LRRD1: variants seen among roughly 807,000 people sequenced by gnomAD.
The protein encoded by LRRD1 is leucine-rich repeat and death domain-containing protein 1.
Under a neutral mutation model 69.5 loss-of-function variants are expected in LRRD1, and 49 were observed. That is an observed-to-expected ratio of 0.70 (90% CI 0.56 to 0.89). The LOEUF is 0.89. Ranked by LOEUF, LRRD1 falls within the 40% of genes least tolerant of loss-of-function variation. The pLI is 0.00. For missense variants in LRRD1, 853 were observed against 956.0 expected (o/e 0.89, Z 1.42); for synonymous variants, 303 against 338.9 (o/e 0.89, Z 1.16).
rs1788840435 is a variant in LRRD1 at position 92,163,773 on chromosome 7, A to G, written c.1430T>C (p.Met477Thr). 1 of 1,508,622 alleles carries G rather than the reference A, an allele frequency of 6.6e-7. No homozygotes were observed. The highest frequency in any genetic ancestry group is 8.8e-7 in the Non-Finnish European group (1 of 1,132,250). 93.5% of individuals were successfully genotyped at this position (1,508,622 alleles called of 1,614,324 possible). ...IKIELSYNKIMYFPLGLCALD... is the reference protein window; with the variant it reads ...IKIELSYNKITYFPLGLCALD... The stretch of plus-strand genomic sequence containing the variant: ...AGCACACAGTCCCAATGGAAAATAC[A>G]TTATTTTGTTATAACTCAATTCAAT... The change falls in exon 2 of 6, where the codon ATG (methionine) becomes ACG (threonine). Residue 477 changes from methionine (M) to threonine (T), a missense_variant. Transcript: ENST00000458448.
chr7:92,166,445 G>A (rs1788912433), intron 1 of LRRD1, among the ~76,000 whole-genome samples: 1 of 152,084 alleles, frequency 6.6e-6, no homozygotes, highest in African/African-American at 2.4e-5. Context: ...TATGAGGCTA[G>A]CACTAACCTC....
intron 3 of LRRD1, among the ~76,000 whole-genome samples, chr7:92,153,942 T>C (rs1788590112): frequency 6.6e-6 from 1 of 151,338 alleles, no homozygotes; most frequent in South Asian, 2.1e-4. Context: ...GTTCAAGCGA[T>C]TCTCCTGCCT....
At position 92,164,690 on chromosome 7, in the gene LRRD1, T is replaced by C. The variant is rs1426748565; in HGVS notation, c.513A>G (p.Leu171=). The C allele has an allele frequency of 6.4e-7, 1 of 1,550,862 alleles. No homozygotes were observed. The highest frequency in any genetic ancestry group is 2.4e-5 in the East Asian group (1 of 40,888). ...GAAATGTTTTGATTTGATTCTTGTC[T>C]AAATATAGATATTTTACATATTTGA... ...LKIKYVKYLY[L]DKNQIKTFQG... Residue 171 remains leucine (L), a synonymous_variant, in exon 2 of 6, where the codon TTA becomes TTG. Coordinates refer to ENST00000458448, the MANE Select transcript of LRRD1 (RefSeq NM_001161528.2).
At chr7:92,142,597 C>G, downstream of LRRD1, 2 of 448,402 alleles carry the variant, frequency 4.5e-6, no homozygotes, top group Admixed American at 4.8e-5. Flanking sequence ...TGAAGCCGAC[C>G]CTCACGGTCA....
chr7:92,159,822 T>C (rs1037098973), intron 2 of LRRD1, among the ~76,000 whole-genome samples: 1 of 152,026 alleles, frequency 6.6e-6, no homozygotes, highest in African/African-American at 2.4e-5. Context: ...GGTTTTGCCA[T>C]GTTGGCCAAG....
Position 92,163,937 on chromosome 7 carries a change from T to G in LRRD1, c.1266A>C (p.Lys422Asn). Residue 422 changes from lysine (K) to asparagine (N), a missense_variant, in exon 2 of 6, where the codon AAA becomes AAC. Lys to Asn is a moderately conservative substitution (Grantham distance 94). Transcript: ENST00000458448. The part of the protein sequence containing the change: ...KYIHKLNNLR[K>N]LHVNRNNMVK... ...CCATATTATTTCTGTTTACATGGAG[T>G]TTTCTTAAATTGTTAAGCTTATGGA... is the stretch of plus-strand genomic sequence containing the variant. The G allele has an allele frequency of 6.5e-7, 1 of 1,537,548 alleles. No individual in the cohort carries two copies. Among genetic ancestry groups the G allele is most frequent in the East Asian group, 2.5e-5 (1 of 40,720 alleles).
rs1427935584 is a variant in LRRD1, at chr7:92,145,035, A to G, written c.2436T>C (p.Val812=). The G allele has an allele frequency of 3.3e-6, 5 of 1,521,604 alleles. No homozygotes were observed. The highest frequency in any genetic ancestry group is 4.4e-6 in the Non-Finnish European group (5 of 1,129,442). The allele number at this position is 1,521,604 out of a possible 1,614,324, so 94.3% of individuals were successfully genotyped here. Residue 812 remains valine, a synonymous_variant, in exon 6 of 6, where the codon GTT becomes GTC. Transcript: ENST00000458448. ...ACTTGTTACTTTGTGTTTTCCATATAACAAGTGCTTGGTGGGCTCTCTCAC... is the reference window on the plus strand; with the variant it reads ...ACTTGTTACTTTGTGTTTTCCATATGACAAGTGCTTGGTGGGCTCTCTCAC... ...SLSERAHQAL[V]IWKTQSNKLS...
intron 2 of LRRD1, among the ~76,000 whole-genome samples, chr7:92,162,882 GT>G (rs903128642): frequency 1.3e-5 from 2 of 152,066 alleles, no homozygotes; most frequent in African/African-American, 4.8e-5. Flanking sequence ...AAGACTAAAA[GT>G]TGTGTCAACG....
intron 3 of LRRD1, among the ~76,000 whole-genome samples, chr7:92,157,537 C>CTCCT (rs34688200): frequency 0.44 from 66,252 of 149,296 alleles, 15,656 homozygotes; most frequent in African/African-American, 0.62. Context: ...GGCATTGTTT[C>CTCCT]TCCTTCCTTC....
chr7:92,149,698 A>ATTTT (rs1308939604), intron 4 of LRRD1, among the ~76,000 whole-genome samples: 1 of 149,834 alleles, frequency 6.7e-6, no homozygotes, highest in African/African-American at 2.5e-5. Context: ...GGCCGAATGT[A>ATTTT]TTTTATTTAT....
At chr7:92,165,634 C>T (rs917310365) in intron 1 of LRRD1, among the ~76,000 whole-genome samples, 13 of 151,786 alleles carry the variant, frequency 8.6e-5, no homozygotes, top group Non-Finnish European at 1.6e-4. Flanking sequence ...GCCGAAGGGG[C>T]GGATCACTTT....
rs1584659325 is a variant in LRRD1, at chr7:92,164,697, A to T, written c.506T>A (p.Leu169Gln). Reference protein sequence around the residue: ...DILKIKYVKYLYLDKNQIKTF... With the variant: ...DILKIKYVKYQYLDKNQIKTF... ...TTTGATTTGATTCTTGTCTAAATAT[A>T]GATATTTTACATATTTGATTTTTAA... The change falls in exon 2 of 6, where the codon CTA becomes CAA. Residue 169 changes from leucine (L) to glutamine (Q), a missense_variant. By Grantham distance (113) the Leu-to-Gln change is moderately radical (BLOSUM62 -2). Transcript: ENST00000458448. 1 of 1,550,634 alleles carries T rather than the reference A, an allele frequency of 6.4e-7. No individual in the cohort carries two copies. The highest frequency in any genetic ancestry group is 1.2e-5 in the South Asian group (1 of 83,908).
chr7:92,164,333 A>T lies in LRRD1; in HGVS notation c.870T>A (p.Asn290Lys), dbSNP rs1215044818. The T allele has an allele frequency of 6.4e-7, 1 of 1,550,748 alleles. No homozygotes were observed. Among genetic ancestry groups the T allele is most frequent in the African/African-American group, 1.4e-5 (1 of 73,146 alleles). Residue 290 changes from asparagine to lysine, a missense_variant, in exon 2 of 6, where the codon AAT becomes AAA. Asn to Lys is a moderately conservative substitution (Grantham distance 94, BLOSUM62 0). Transcript: ENST00000458448. ...KTLRVLNLEY[N>K]QLTTFPKALC... ...GAGCTTTAGGAAATGTTGTTAACTGATTATATTCCAAATTGAGAACCCTCA... is the reference window on the plus strand; with the variant it reads ...GAGCTTTAGGAAATGTTGTTAACTGTTTATATTCCAAATTGAGAACCCTCA...
rs1293483063 is a variant in LRRD1, at chr7:92,163,892, G to A, written c.1311C>T (p.Ile437=). The A allele has an allele frequency of 1.4e-5, 21 of 1,528,832 alleles. No individual in the cohort carries two copies. The highest frequency in any genetic ancestry group is 1.8e-5 in the Non-Finnish European group (20 of 1,138,662). 94.7% of individuals were successfully genotyped at this position (1,528,832 alleles called of 1,614,324 possible). A position where few individuals can be genotyped will look rare whatever the true frequency, so the allele number is the denominator to read the frequency against. The part of the protein sequence containing the change: ...RNNMVKITDC[I]SHLNNICSLE... ...GACTGCATATGTTATTAAGATGTGA[G>A]ATACAGTCAGTTATTTTTACCATAT... The change falls in exon 2 of 6, where the codon ATC becomes ATT. Residue 437 remains isoleucine, a synonymous_variant. Coordinates refer to ENST00000458448, the MANE Select transcript of LRRD1 (RefSeq NM_001161528.2).
chr7:92,145,082 A>G lies in LRRD1; in HGVS notation c.2397-8T>C. 1 of 1,347,186 alleles carries G rather than the reference A, an allele frequency of 7.4e-7. No homozygotes were observed. Among genetic ancestry groups the G allele is most frequent in the Non-Finnish European group, 9.8e-7 (1 of 1,024,570 alleles). The allele number at this position is 1,347,186 out of a possible 1,614,324, so 83.5% of individuals were successfully genotyped here. A position where few individuals can be genotyped will look rare whatever the true frequency, so the allele number is the denominator to read the frequency against. On this transcript the variant is annotated splice_region_variant and splice_polypyrimidine_tract_variant and intron_variant, in intron 5 of 5. Transcript: ENST00000458448. ...TCACTTAATGAAACAGTGCTGAAAA[A>G]CATTATTAATAATATTAATAGTTAA...
chr7:92,164,568 T>A lies in LRRD1; in HGVS notation c.635A>T (p.Asn212Ile), dbSNP rs766155975. 75 of 1,551,006 alleles carry A rather than the reference T, an allele frequency of 4.8e-5. 2 individuals carry two copies. In the South Asian group the frequency reaches 8.8e-4, roughly 18 times the overall value. Residue 212 changes from asparagine (N) to isoleucine (I), a missense_variant, in exon 2 of 6, where the codon AAT becomes ATT. Physicochemically the swap from Asn to Ile is moderately radical, Grantham distance 149. Transcript: ENST00000458448. The part of the protein sequence containing the change: ...SLPSEIQLLH[N>I]LRILNVSHNH... The stretch of plus-strand genomic sequence containing the variant: ...ATGACTGACATTTAATATCCTTAAA[T>A]TATGAAGTAACTGAATTTCAGATGG...
intron 1 of LRRD1, among the ~76,000 whole-genome samples, chr7:92,173,487 C>A (rs1789100727): frequency 6.6e-6 from 1 of 151,990 alleles, no homozygotes; most frequent in African/African-American, 2.4e-5. Context: ...GGAGCTCAAA[C>A]AACTTAAAAG....
downstream of LRRD1, chr7:92,142,330 A>G (rs985874333): frequency 1.8e-5 from 7 of 388,284 alleles, no homozygotes; most frequent in Non-Finnish European, 3.5e-5. Context: ...GGTGAAAAGT[A>G]AAAAGTGCAG....
At chr7:92,161,591 A>G (rs1040731920) in intron 2 of LRRD1, among the ~76,000 whole-genome samples, 50 of 151,950 alleles carry the variant, frequency 3.3e-4, no homozygotes, top group Admixed American at 3.3e-4. Context: ...AGACAGTGAC[A>G]CTGGAAAATG....
Sources: gnomAD v4.1 joint callset for allele counts (sites outside exome capture counted in the v4.1 genomes callset) on GRCh38, gnomAD v4.1.1 for gene constraint, MANE v1.5 for transcripts, NCBI Gene and HGNC (gene_info 2026-07-23, HGNC 2026-07-21) for gene names.